The following HEATR1 variants were observed in gnomAD, a reference collection of about 807,000 sequenced individuals.
HEATR1 encodes the protein HEAT repeat containing 1, also known as HEAT repeat-containing protein 1.
A neutral mutation model predicts 248.2 loss-of-function variants in HEATR1; 77 were observed. The observed-to-expected ratio is 0.31, with a 90% CI of 0.26 to 0.37. The LOEUF (loss-of-function observed/expected upper bound fraction) is 0.37, where lower values mean the gene tolerates loss of function less well. HEATR1 is among the 10% of genes least tolerant of loss of function. HEATR1 has a pLI of 1.00. For missense variants in HEATR1, 2,420 were observed against 2,504.9 expected (o/e 0.97, Z 0.72); for synonymous variants, 897 against 923.1 (o/e 0.97, Z 0.51).
intron 30 of HEATR1, 101 bp from the exon 31 acceptor site, chr1:236,566,146 CT>C: frequency 8.5e-7 from 1 of 1,171,518 alleles, no homozygotes; most frequent in Non-Finnish European, 1.2e-6. Context: ...ACAGAGTATA[CT>C]ACTTTATTTA....
intron 28 of HEATR1, among the ~76,000 whole-genome samples, chr1:236,571,145 C>T (rs1663414479): frequency 6.6e-6 from 1 of 152,268 alleles, no homozygotes; most frequent in Non-Finnish European, 1.5e-5. Context: ...TTATTATTCC[C>T]ACTTGATAAA....
chr1:236,555,653 G>T lies in HEATR1; in HGVS notation c.5652C>A (p.Asn1884Lys). Residue 1884 changes from asparagine to lysine, a missense_variant and splice_region_variant, in exon 40 of 45, where the codon AAC becomes AAA. Physicochemically the swap from Asn to Lys is moderately conservative, Grantham distance 94 (BLOSUM62 0). Coordinates refer to ENST00000366582, the MANE Select transcript of HEATR1 (RefSeq NM_018072.6). Reference protein sequence around the residue: ...ALDFRAQHSENDLEEVGKTEN... With the variant: ...ALDFRAQHSEKDLEEVGKTEN... ...CCGTTTTTCCAACTTCCTCCAGATC[G>T]TTCTGAAAACAGAAGAGCCCATTTA... 1.9e-6 allele frequency: 3 copies of T among 1,614,046 alleles called. No individual in the cohort carries two copies. Among genetic ancestry groups the T allele is most frequent in the Non-Finnish European group, 2.5e-6 (3 of 1,179,932 alleles).
chr1:236,583,266 TG>T (rs1304229727), intron 17 of HEATR1, 70 bp from the exon 18 acceptor site: 9 of 1,315,914 alleles, frequency 6.8e-6, no homozygotes, highest in Non-Finnish European at 8.3e-6. Context: ...TGAATTCCTC[TG>T]CATAATATGC....
chr1:236,563,540 G>A (rs1231122089), intron 32 of HEATR1, among the ~76,000 whole-genome samples: 2 of 152,106 alleles, frequency 1.3e-5, no homozygotes, highest in African/African-American at 4.8e-5. Context: ...CCAAAGTGCT[G>A]GGATTACAGG....
intron 29 of HEATR1, among the ~76,000 whole-genome samples, chr1:236,568,112 C>A (rs1282537299): frequency 6.6e-6 from 1 of 152,228 alleles, no homozygotes; most frequent in South Asian, 2.1e-4. Context: ...TTTTCTCATA[C>A]TATTGGCTCT....
intron 17 of HEATR1, among the ~76,000 whole-genome samples, chr1:236,583,659 G>A (rs1450181622): frequency 6.6e-6 from 1 of 151,956 alleles, no homozygotes; most frequent in Middle Eastern, 3.4e-3. Flanking sequence ...GCTAATTTTT[G>A]TATCTTTAGT....
chr1:236,596,250 G>C (rs113875373), intron 6 of HEATR1, among the ~76,000 whole-genome samples: 2 of 152,154 alleles, frequency 1.3e-5, no homozygotes, highest in African/African-American at 4.8e-5. Flanking sequence ...CGAGACAAAG[G>C]ATCTCAGAAA....
In HEATR1 at chr1:236,574,919, C is replaced by T; in HGVS notation, c.3085-16G>A. ...AAAGCACCATCTAAAGATCCAAAGA[C>T]TTAGTAGTAAATAGTTATGTATACT... is the stretch of plus-strand genomic sequence containing the variant. On this transcript the variant is annotated splice_polypyrimidine_tract_variant and intron_variant, in intron 22 of 44. Transcript: ENST00000366582. The T allele has an allele frequency of 6.2e-7, 1 of 1,609,554 alleles. No homozygotes were observed. The highest frequency in any genetic ancestry group is 1.7e-5 in the Admixed American group (1 of 59,252).
Position 236,603,339 on chromosome 1 carries a change from A to G in HEATR1, c.180T>C (p.Pro60=), listed in dbSNP as rs750315911. Residue 60 remains proline (P), a synonymous_variant, in exon 3 of 45, where the codon CCT becomes CCC. Coordinates refer to ENST00000366582, the MANE Select transcript of HEATR1 (RefSeq NM_018072.6). Reference sequence around the variant, plus strand: ...ACGGTGCTTCAAACTGCTCAAAGGAAGGATCAATTCCAAGCAACTCTTCCA... The same window carrying G: ...ACGGTGCTTCAAACTGCTCAAAGGAGGGATCAATTCCAAGCAACTCTTCCA... ...TGLEELLGID[P]SFEQFEAPLF... is the part of the protein sequence containing the mutation. The G allele has an allele frequency of 6.2e-6, 10 of 1,614,160 alleles. No individual in the cohort carries two copies. In the South Asian group the frequency reaches 8.8e-5, roughly 14 times the overall value.
intron 9 of HEATR1, among the ~76,000 whole-genome samples, 161 bp from the exon 10 acceptor site, chr1:236,592,794 G>A (rs1174145658): frequency 6.6e-6 from 1 of 152,246 alleles, no homozygotes; most frequent in African/African-American, 2.4e-5. Context: ...GAGGCCTGGT[G>A]TAGTGGTTCA....
chr1:236,567,640 C>T (rs1223476168), intron 29 of HEATR1, among the ~76,000 whole-genome samples: 1 of 152,154 alleles, frequency 6.6e-6, no homozygotes, highest in East Asian at 1.9e-4. Context: ...AACCAGGAGG[C>T]AGAGGTCGCA....
intron 20 of HEATR1, among the ~76,000 whole-genome samples, chr1:236,579,401 C>G (rs1279075762): frequency 6.6e-6 from 1 of 152,220 alleles, no homozygotes; most frequent in Non-Finnish European, 1.5e-5. Context: ...TCAGAGGCCA[C>G]TGTCAAAGGA....
At chr1:236,593,931 T>C in intron 9 of HEATR1, 81 bp downstream of exon 9, 2 of 915,522 alleles carry the variant, frequency 2.2e-6, no homozygotes, top group Admixed American at 2.4e-5. Context: ...AAAGGAATGC[T>C]GGGAAATTTC....
In HEATR1 at chr1:236,550,717, GCA is replaced by G; in HGVS notation, c.*183_*184del. On this transcript the variant is annotated 3_prime_UTR_variant, in exon 45 of 45. Transcript: ENST00000366582. ...CTCTTTCTGCAGCTCTATACGATAG[GCA>G]GGAGAGGCTTATGTGGCAGCACAAG... 1.9e-6 allele frequency: 1 copy of G among 532,832 alleles called. No homozygotes were observed. Among genetic ancestry groups the G allele is most frequent in the South Asian group, 2.9e-5 (1 of 34,476 alleles). 33.0% of individuals were successfully genotyped at this position (532,832 alleles called of 1,614,324 possible). A position where few individuals can be genotyped will look rare whatever the true frequency, so the allele number is the denominator to read the frequency against.
In HEATR1 at chr1:236,566,052, A is replaced by T. The variant is rs752380609; in HGVS notation, c.4309-7T>A. 11 of 1,610,650 alleles carry T rather than the reference A, an allele frequency of 6.8e-6. 1 individual carries two copies. Among genetic ancestry groups the T allele is most frequent in the Middle Eastern group, 1.7e-4 (1 of 6,038 alleles). On this transcript the variant is annotated splice_region_variant and splice_polypyrimidine_tract_variant and intron_variant, in intron 30 of 44. Coordinates refer to ENST00000366582, the MANE Select transcript of HEATR1 (RefSeq NM_018072.6). Reference sequence around the variant, plus strand: ...CTGCTTCTAAAATAGCATCCTGTGTAGAAAAAGAAAAAGGTAACAAATCTG... The same window carrying T: ...CTGCTTCTAAAATAGCATCCTGTGTTGAAAAAGAAAAAGGTAACAAATCTG...
chr1:236,600,618 C>A (rs1485148252), intron 3 of HEATR1, among the ~76,000 whole-genome samples: 1 of 151,778 alleles, frequency 6.6e-6, no homozygotes, highest in East Asian at 1.9e-4. Context: ...GCAACCTTCG[C>A]CTCCCAAGTT....
At chr1:236,568,824 A>C (rs924160820) in intron 29 of HEATR1, among the ~76,000 whole-genome samples, 172 bp downstream of exon 29, 21 of 151,972 alleles carry the variant, frequency 1.4e-4, no homozygotes, top group African/African-American at 5.1e-4. Context: ...CAATGTTCTA[A>C]AACTTAAGGG....
chr1:236,581,116 C>G (rs956873463), intron 20 of HEATR1, 106 bp downstream of exon 20: 282 of 912,796 alleles, frequency 3.1e-4, no homozygotes, highest in Non-Finnish European at 3.3e-4. Flanking sequence ...CCGCGCCTGC[C>G]CTCTGCTATT....
In HEATR1 at chr1:236,576,293, G is replaced by A. The variant is rs758428014; in HGVS notation, c.3010C>T (p.Leu1004Phe). 22 of 1,611,888 alleles carry A rather than the reference G, an allele frequency of 1.4e-5. No homozygotes were observed. In the South Asian group the frequency reaches 2.3e-4, roughly 17 times the overall value. Residue 1004 changes from leucine to phenylalanine, a missense_variant, in exon 22 of 45, where the codon CTT becomes TTT. Physicochemically the swap from Leu to Phe is conservative, Grantham distance 22. Coordinates refer to ENST00000366582, the MANE Select transcript of HEATR1 (RefSeq NM_018072.6). ...QKLSETLKNLLSCVYSCPSYI... is the reference protein window; with the variant it reads ...QKLSETLKNLFSCVYSCPSYI... ...GATGGGCAACTATACACACAACTAA[G>A]TAAGTTTTTCAAAGTTTCAGACAAC... is the stretch of plus-strand genomic sequence containing the variant.
Sources: gnomAD v4.1 joint callset for allele counts (sites outside exome capture counted in the v4.1 genomes callset) on GRCh38, gnomAD v4.1.1 for gene constraint, MANE v1.5 for transcripts, NCBI Gene and HGNC (gene_info 2026-07-23, HGNC 2026-07-21) for gene names.